The following CSNK1G3 variants were observed in gnomAD, a reference collection of about 807,000 sequenced individuals.
CSNK1G3 encodes casein kinase 1 gamma 3.
In CSNK1G3, 23 loss-of-function variants were observed where a neutral mutation model predicts 64.3. The ratio of observed to expected loss-of-function variants is 0.36; its 90% CI spans 0.26 to 0.51. The LOEUF is 0.51. Among genes scored for constraint, CSNK1G3 ranks in the 20% least tolerant of loss-of-function variants. CSNK1G3 has a pLI of 0.96. For missense variants in CSNK1G3, 357 were observed against 510.5 expected (o/e 0.70, Z 2.90); for synonymous variants, 158 against 162.2 (o/e 0.97, Z 0.20).
At chr5:123,573,631 T>C (rs542534006) in intron 5 of CSNK1G3, 90 bp downstream of exon 5, 3 of 1,171,602 alleles carry the variant, frequency 2.6e-6, no homozygotes, top group Non-Finnish European at 3.6e-6. Flanking sequence ...TCTGTGATAT[T>C]GTCTTACAGA....
At chr5:123,566,498 C>A (rs1786906733) in intron 4 of CSNK1G3, among the ~76,000 whole-genome samples, 1 of 152,040 alleles carries the variant, frequency 6.6e-6, no homozygotes, top group Non-Finnish European at 1.5e-5. Context: ...CCTTTCTGAG[C>A]CTGTCGTGCC....
chr5:123,516,443 T>C (rs996978457), intron 1 of CSNK1G3, among the ~76,000 whole-genome samples: 2 of 152,208 alleles, frequency 1.3e-5, no homozygotes, highest in Admixed American at 6.5e-5. Flanking sequence ...TTCTTTTTTT[T>C]AAGCTCTCTC....
intron 2 of CSNK1G3, 48 bp downstream of exon 2, chr5:123,545,889 T>C: frequency 7.1e-7 from 1 of 1,403,662 alleles, no homozygotes; most frequent in Non-Finnish European, 1.0e-6. Context: ...TTTTAAAAAT[T>C]GGAAGATACT....
At chr5:123,614,912 T>TA (rs1749200980) in exon 13 of CSNK1G3, 1 of 152,892 alleles carries the variant, frequency 6.5e-6, no homozygotes, top group East Asian at 1.9e-4. Flanking sequence ...ATTTCAGTAT[T>TA]ACTGATGGTA....
chr5:123,573,939 TC>T (rs1788626194), intron 5 of CSNK1G3, among the ~76,000 whole-genome samples: 1 of 149,906 alleles, frequency 6.7e-6, no homozygotes, highest in East Asian at 2.0e-4. Context: ...AACCTCTGCC[TC>T]CCGGGTTCAA....
At chr5:123,610,323 C>G (rs1346751701) in intron 12 of CSNK1G3, among the ~76,000 whole-genome samples, 3 of 152,152 alleles carry the variant, frequency 2.0e-5, no homozygotes, top group East Asian at 3.9e-4. Flanking sequence ...AATATACTTT[C>G]TGTACACTCA....
intron 4 of CSNK1G3, among the ~76,000 whole-genome samples, chr5:123,571,201 T>C (rs1242315212): frequency 1.3e-5 from 2 of 152,202 alleles, no homozygotes; most frequent in African/African-American, 4.8e-5. Flanking sequence ...AATCTCTGTT[T>C]CTGGGGAGGG....
At chr5:123,591,520 A>G (rs1214512350) in intron 10 of CSNK1G3, 106 bp downstream of exon 10, 1 of 575,866 alleles carries the variant, frequency 1.7e-6, no homozygotes, top group Non-Finnish European at 3.0e-6. Context: ...CATATTTTTA[A>G]TAGATAATCT....
chr5:123,575,195 T>G (rs1320556707), intron 5 of CSNK1G3, among the ~76,000 whole-genome samples: 1 of 152,182 alleles, frequency 6.6e-6, no homozygotes, highest in Non-Finnish European at 1.5e-5. Flanking sequence ...AGCTTCAAGA[T>G]TAATCATTTT....
Position 123,543,630 on chromosome 5 carries a change from C to T in CSNK1G3, c.-247-1787C>T, listed in dbSNP as rs778465239. Among the ~76,000 whole-genome samples the T allele has an allele frequency of 2.6e-5, 4 of 152,238 alleles. No homozygotes were observed. In the South Asian group the frequency reaches 6.2e-4, roughly 24 times the overall value. On this transcript the variant is annotated intron_variant, in intron 1 of 12. Coordinates refer to ENST00000345990, the Ensembl canonical transcript of CSNK1G3. ...GTTGCCTGAGCCTCACCTCTTTGTG[C>T]TGTGGTCAGGAAATTGCTCCTAGCC...
intron 1 of CSNK1G3, among the ~76,000 whole-genome samples, chr5:123,525,953 G>A (rs1042735791): frequency 2.4e-4 from 35 of 146,534 alleles, no homozygotes; most frequent in African/African-American, 8.4e-4. Flanking sequence ...AGCCAAGATC[G>A]CACCACTGCA....
At chr5:123,581,621 G>C (rs1000548233) in intron 6 of CSNK1G3, among the ~76,000 whole-genome samples, 2 of 151,304 alleles carry the variant, frequency 1.3e-5, no homozygotes, top group African/African-American at 4.8e-5. Context: ...TACTAGATTA[G>C]GTGTTTAGAT....
At chr5:123,532,824 T>C (rs1203155651) in intron 1 of CSNK1G3, among the ~76,000 whole-genome samples, 1 of 152,058 alleles carries the variant, frequency 6.6e-6, no homozygotes, top group African/African-American at 2.4e-5. Flanking sequence ...AATGCCCGTA[T>C]GTGGAAAAGA....
intron 10 of CSNK1G3, among the ~76,000 whole-genome samples, chr5:123,592,614 T>G (rs957357955): frequency 1.3e-5 from 2 of 151,886 alleles, no homozygotes; most frequent in Non-Finnish European, 2.9e-5. Context: ...ATATTGTTTA[T>G]CCCATCAAAG....
chr5:123,579,765 GA>G (rs1241510704), intron 6 of CSNK1G3, among the ~76,000 whole-genome samples: 1 of 151,808 alleles, frequency 6.6e-6, no homozygotes, highest in Non-Finnish European at 1.5e-5. Context: ...CCTCTTTCAG[GA>G]ATAAAATAAA....
chr5:123,560,830 A>T (rs1014317338), intron 4 of CSNK1G3, among the ~76,000 whole-genome samples: 5 of 152,126 alleles, frequency 3.3e-5, no homozygotes, highest in Non-Finnish European at 7.4e-5. Context: ...GAAATGGGGA[A>T]TTATTGTTCA....
chr5:123,590,971 A>G (rs914188477), intron 9 of CSNK1G3, among the ~76,000 whole-genome samples: 3 of 151,940 alleles, frequency 2.0e-5, no homozygotes, highest in Admixed American at 6.6e-5. Context: ...AGTTTATTCT[A>G]TGTATACATT....
intron 12 of CSNK1G3, among the ~76,000 whole-genome samples, chr5:123,613,141 T>C (rs1748745213): frequency 6.6e-6 from 1 of 152,202 alleles, no homozygotes; most frequent in Non-Finnish European, 1.5e-5. Context: ...ATGCCTTTAT[T>C]TGAAGGATTG....
chr5:123,528,736 T>C (rs1779454890), intron 1 of CSNK1G3, among the ~76,000 whole-genome samples: 2 of 152,340 alleles, frequency 1.3e-5, no homozygotes, highest in Admixed American at 6.5e-5. Flanking sequence ...TCATTTCTTA[T>C]TCATTTATTA....
Sources: gnomAD v4.1 joint callset for allele counts (sites outside exome capture counted in the v4.1 genomes callset) on GRCh38, gnomAD v4.1.1 for gene constraint, MANE v1.5 for transcripts, NCBI Gene and HGNC (gene_info 2026-07-23, HGNC 2026-07-21) for gene names.